Variants in PIK3CD observed in about 807,000 individuals in gnomAD.
PIK3CD encodes phosphatidylinositol-4,5-bisphosphate 3-kinase catalytic subunit delta.
A neutral mutation model predicts 122.9 loss-of-function variants in PIK3CD; 20 were observed. That is an observed-to-expected ratio of 0.16 (90% confidence interval 0.11 to 0.24). The LOEUF (loss-of-function observed/expected upper bound fraction) is 0.24, where lower values mean the gene tolerates loss of function less well. Ranked by LOEUF, PIK3CD falls within the 10% of genes least tolerant of loss-of-function variation. PIK3CD has a pLI of 1.00. For missense variants in PIK3CD, 787 were observed against 1,406.3 expected, an observed-to-expected ratio of 0.56 and a Z score of 7.04; for synonymous variants, 596 against 593.4, an observed-to-expected ratio of 1.00 and a Z score of -0.06.
upstream of PIK3CD, among the ~76,000 whole-genome samples, chr1:9,647,653 C>A (rs1371824867): frequency 5.9e-5 from 9 of 151,884 alleles, no homozygotes; most frequent in Admixed American, 5.9e-4. Context: ...ACTACAGGCA[C>A]ATGCCACCAT....
In PIK3CD at chr1:9,716,036, G is replaced by A. The variant is rs748818520; in HGVS notation, c.558G>A (p.Pro186=). 81 of 1,612,502 alleles carry A rather than the reference G, an allele frequency of 5.0e-5. No individual in the cohort carries two copies. In the Admixed American group the frequency reaches 5.5e-4, roughly 11 times the overall value. Residue 186 remains proline (P), a synonymous_variant, in exon 5 of 24, where the codon CCG becomes CCA. Transcript: ENST00000377346. ...GGGGGCCTGGTACCCTGCGGCTCCC[G>A]AACCGGGCCCTTCTGGTCAACGTTA... The part of the protein sequence containing the change: ...QTWGPGTLRL[P]NRALLVNVKF...
rs142194439 is a variant in PIK3CD, at chr1:9,660,892, A to G, written c.-138+9090A>G. ...CCCCTTTCATTTCCTACATGGTGAGATTTGGCTTTCCATTCAAGGATTTGT... is the reference window on the plus strand; with the variant it reads ...CCCCTTTCATTTCCTACATGGTGAGGTTTGGCTTTCCATTCAAGGATTTGT... On this transcript the variant is annotated intron_variant, in intron 1 of 23. Transcript: ENST00000377346. 2.0e-5 allele frequency: 3 copies of G among 150,032 alleles called. No individual in the cohort carries two copies. In the East Asian group the frequency reaches 5.8e-4, roughly 29 times the overall value. The allele number at this position is 150,032 out of a possible 1,614,324, so 9.3% of individuals were successfully genotyped here.
chr1:9,705,616 G>A (rs1425971803), intron 2 of PIK3CD, among the ~76,000 whole-genome samples: 1 of 152,110 alleles, frequency 6.6e-6, no homozygotes, highest in Non-Finnish European at 1.5e-5. Context: ...ACCAACAAAG[G>A]AATGGAATCT....
At chr1:9,687,440 C>T (rs1441204032) in intron 1 of PIK3CD, 1 of 152,380 alleles carries the variant, frequency 6.6e-6, no homozygotes, top group Non-Finnish European at 1.5e-5. Context: ...GAAATCCCCG[C>T]CCTGGGGGGG....
intron 1 of PIK3CD, among the ~76,000 whole-genome samples, chr1:9,675,248 T>C (rs533154118): frequency 8.1e-4 from 121 of 149,960 alleles, no homozygotes; most frequent in Non-Finnish European, 1.5e-3. Context: ...TAGCCGGGCG[T>C]GGTAGCGGGC....
intron 1 of PIK3CD, among the ~76,000 whole-genome samples, chr1:9,669,316 A>G (rs1046501762): frequency 2.0e-5 from 3 of 151,408 alleles, no homozygotes; most frequent in Non-Finnish European, 4.4e-5. Context: ...ATGCCACCAC[A>G]CCCGGGTAAT....
intron 2 of PIK3CD, among the ~76,000 whole-genome samples, chr1:9,696,506 C>T (rs1038795818): frequency 6.6e-6 from 1 of 151,400 alleles, no homozygotes. Flanking sequence ...AATCCTAGCA[C>T]TTTGGGAAGC....
Position 9,719,819 on chromosome 1 carries a change from C to T in PIK3CD, c.1243-102C>T, listed in dbSNP as rs1648205709. 1.9e-5 allele frequency: 18 copies of T among 937,380 alleles called. No individual in the cohort carries two copies. The allele number at this position is 937,380 out of a possible 1,614,324, so 58.1% of individuals were successfully genotyped here. On this transcript the variant is annotated intron_variant, in intron 9 of 23. Transcript: ENST00000377346. This position sits in a 1 kb window ranked among gnomAD's most constrained non-coding sequence, Gnocchi z 5.5. The stretch of plus-strand genomic sequence containing the variant: ...CAGGGGTCTGGTTGGGAGATGTTAG[C>T]TGGGCTCTGGGTCTTCTCGGGTGGG...
upstream of PIK3CD, chr1:9,651,611 C>T (rs1438529339): frequency 6.6e-6 from 1 of 152,138 alleles, no homozygotes; most frequent in East Asian, 1.9e-4. Flanking sequence ...AAGGCGAGGC[C>T]CTGGAGGACC....
rs577763539 is a variant in PIK3CD at position 9,704,979 on chromosome 1, C to T, written c.-32-5445C>T. ...CTCAGGGCAGCTGGGGTCCAGCTGA[C>T]GGTGAGGCCTGGGCCCAGCCGGCGC... On this transcript the variant is annotated intron_variant, in intron 2 of 23. Coordinates refer to ENST00000377346, the MANE Select transcript of PIK3CD (RefSeq NM_005026.5). The surrounding 1 kb of genome is among the most constrained non-coding windows in gnomAD (Gnocchi z 5.0). 1.5e-3 allele frequency among the ~76,000 whole-genome samples: 233 copies of T among 152,360 alleles called. 2 individuals carry two copies. Among genetic ancestry groups the T allele is most frequent in the Non-Finnish European group, 1.7e-3 (113 of 68,026 alleles).
chr1:9,630,205 C>T, the PIK3CD span, among the ~76,000 whole-genome samples: 1 of 152,224 alleles, frequency 6.6e-6, no homozygotes, highest in Non-Finnish European at 1.5e-5. Flanking sequence ...ATACCAGGGG[C>T]AGAGGGACCA....
chr1:9,720,019 T>TCGGCCCAGGC lies in PIK3CD; in HGVS notation c.1339+4_1339+13dup. ...TCTACATGTGGCCCTCCGTCCCAGGTCGGCCCAGGCCCAGGAGGGAGAGGC... is the reference window on the plus strand; with the variant it reads ...TCTACATGTGGCCCTCCGTCCCAGGTCGGCCCAGGCCGGCCCAGGCCCAGGAGGGAGAGGC... On this transcript the variant is annotated splice_region_variant and intron_variant, in intron 10 of 23. Transcript: ENST00000377346. The surrounding 1 kb of genome is among the most constrained non-coding windows in gnomAD (Gnocchi z 9.0). 1 of 1,613,456 alleles carries TCGGCCCAGGC rather than the reference T, an allele frequency of 6.2e-7. No individual in the cohort carries two copies. Among genetic ancestry groups the TCGGCCCAGGC allele is most frequent in the Non-Finnish European group, 8.5e-7 (1 of 1,179,964 alleles).
chr1:9,627,581 A>G, the PIK3CD span, among the ~76,000 whole-genome samples: 2 of 152,232 alleles, frequency 1.3e-5, no homozygotes, highest in Non-Finnish European at 2.9e-5. Flanking sequence ...GATGATGATG[A>G]TAACATGTGT....
chr1:9,724,122 G>A lies in PIK3CD; in HGVS notation c.2718+30G>A, dbSNP rs1421063534. ...AGGGGCTGGTGCTGGCGGCTGCTGTGGGGACTTGGCTTCTGGCCCCAGCCT... is the reference window on the plus strand; with the variant it reads ...AGGGGCTGGTGCTGGCGGCTGCTGTAGGGACTTGGCTTCTGGCCCCAGCCT... On this transcript the variant is annotated intron_variant, in intron 21 of 23. Coordinates refer to ENST00000377346, the MANE Select transcript of PIK3CD (RefSeq NM_005026.5). The surrounding 1 kb of genome is among the most constrained non-coding windows in gnomAD (Gnocchi z 7.3). 14 of 1,613,994 alleles carry A rather than the reference G, an allele frequency of 8.7e-6. No individual in the cohort carries two copies. The highest frequency in any genetic ancestry group is 1.1e-5 in the Non-Finnish European group (13 of 1,179,996).
intron 2 of PIK3CD, among the ~76,000 whole-genome samples, chr1:9,694,749 G>C (rs1211963924): frequency 2.4e-4 from 36 of 152,152 alleles, no homozygotes; most frequent in Admixed American, 2.4e-3. Flanking sequence ...GATCGCTTAA[G>C]CCCAGGAGTT....
intron 1 of PIK3CD, chr1:9,672,365 T>C (rs1010528221): frequency 1.3e-5 from 2 of 152,230 alleles, no homozygotes; most frequent in Admixed American, 6.5e-5. Context: ...TTTAAAAATG[T>C]GGATTAGTAC....
At chr1:9,711,168 A>T (rs1353109158) in intron 3 of PIK3CD, among the ~76,000 whole-genome samples, 2 of 151,946 alleles carry the variant, frequency 1.3e-5, no homozygotes, top group Non-Finnish European at 2.9e-5. Flanking sequence ...ATCTCAGGTG[A>T]CTACAACCTC....
chr1:9,658,417 A>G (rs1462309090), intron 1 of PIK3CD, among the ~76,000 whole-genome samples: 1 of 148,030 alleles, frequency 6.8e-6, no homozygotes, highest in Non-Finnish European at 1.5e-5. Context: ...ATTTATGTCC[A>G]GGTGAGGGTG....
intron 1 of PIK3CD, among the ~76,000 whole-genome samples, chr1:9,670,344 G>A (rs138938734): frequency 5.3e-5 from 8 of 152,168 alleles, no homozygotes; most frequent in East Asian, 3.9e-4. Context: ...TTTGGAAACC[G>A]GTGATGATGT....
Sources: allele counts gnomAD v4.1 joint callset (sites outside exome capture counted in the v4.1 genomes callset), GRCh38; gene constraint gnomAD v4.1.1; non-coding constraint Gnocchi (gnomAD v3.1); transcripts MANE v1.5; gene names NCBI Gene and HGNC (gene_info 2026-07-23, HGNC 2026-07-21).